Variants in XYLT1 observed in about 807,000 individuals in gnomAD.
XYLT1 encodes beta-D-xylosyltransferase 1.
XYLT1 carries 36 observed loss-of-function variants against 91.3 expected under a neutral mutation model. The ratio of observed to expected loss-of-function variants is 0.39; its 90% CI spans 0.30 to 0.52. The LOEUF is 0.52. Ranked by LOEUF, XYLT1 falls within the 20% of genes least tolerant of loss-of-function variation. The pLI, the probability that XYLT1 is intolerant of heterozygous loss-of-function variation, is 0.68. For synonymous variants in XYLT1, 588 were observed against 532.0 expected, an observed-to-expected ratio of 1.11 and a Z score of -1.45; for missense variants, 1,242 against 1,284.5, an observed-to-expected ratio of 0.97 and a Z score of 0.51.
At chr16:17,139,187 G>A (rs1344633434) in intron 7 of XYLT1, among the ~76,000 whole-genome samples, 1 of 152,226 alleles carries the variant, frequency 6.6e-6, no homozygotes, top group African/African-American at 2.4e-5. Flanking sequence ...GAGACTGCCA[G>A]AGAGTGAGAG....
At chr16:17,220,547 A>G (rs1394606764) in intron 3 of XYLT1, among the ~76,000 whole-genome samples, 2 of 152,158 alleles carry the variant, frequency 1.3e-5, no homozygotes, top group African/African-American at 4.8e-5. Context: ...ATCTCGGCTC[A>G]CTGCAACCCC....
At chr16:17,153,596 A>T (rs2031335159) in intron 6 of XYLT1, among the ~76,000 whole-genome samples, 1 of 152,214 alleles carries the variant, frequency 6.6e-6, no homozygotes, top group Non-Finnish European at 1.5e-5. Flanking sequence ...CTAACTTTAA[A>T]TAGCTTCAAC....
At chr16:17,164,954 G>C (rs777535334) in intron 5 of XYLT1, among the ~76,000 whole-genome samples, 2 of 152,118 alleles carry the variant, frequency 1.3e-5, no homozygotes, top group Middle Eastern at 3.2e-3. Flanking sequence ...GTGACCCCAG[G>C]CACATGGCTC....
At chr16:17,176,479 C>G (rs768144153) in intron 5 of XYLT1, among the ~76,000 whole-genome samples, 5 of 152,214 alleles carry the variant, frequency 3.3e-5, no homozygotes, top group African/African-American at 4.8e-5. Context: ...AACAGAACAG[C>G]TGGAAATTGA....
intron 2 of XYLT1, among the ~76,000 whole-genome samples, chr16:17,297,902 T>C (rs2034336323): frequency 6.6e-6 from 1 of 151,828 alleles, no homozygotes; most frequent in Admixed American, 6.6e-5. Flanking sequence ...GTGCCTGTAG[T>C]CCCAGCTACT....
At chr16:17,343,199 A>C (rs995501929) in intron 2 of XYLT1, among the ~76,000 whole-genome samples, 1 of 152,202 alleles carries the variant, frequency 6.6e-6, no homozygotes, top group Non-Finnish European at 1.5e-5. Flanking sequence ...CAGCCCCTGA[A>C]GCCACAGACT....
At chr16:17,246,704 G>A (rs2033440444) in intron 3 of XYLT1, among the ~76,000 whole-genome samples, 1 of 152,234 alleles carries the variant, frequency 6.6e-6, no homozygotes, top group Non-Finnish European at 1.5e-5. Context: ...CTGGCATTCA[G>A]GAAGTGCCTA....
intron 5 of XYLT1, among the ~76,000 whole-genome samples, chr16:17,166,776 G>C (rs1030130282): frequency 1.3e-5 from 2 of 151,568 alleles, no homozygotes; most frequent in Non-Finnish European, 2.9e-5. Flanking sequence ...AGCCTCCAAA[G>C]TGCTGGGACC....
intron 2 of XYLT1, among the ~76,000 whole-genome samples, chr16:17,323,021 G>C (rs1344602984): frequency 6.6e-6 from 1 of 152,214 alleles, no homozygotes; most frequent in Non-Finnish European, 1.5e-5. Flanking sequence ...CCCAGAGAGG[G>C]ACAGGGCCAT....
chr16:17,370,537 C>G (rs767923144), intron 1 of XYLT1, among the ~76,000 whole-genome samples: 1 of 152,176 alleles, frequency 6.6e-6, no homozygotes, highest in Admixed American at 6.5e-5. Context: ...TGGTCTCACA[C>G]TGAACACGTT....
chr16:17,187,393 CAAAAA>C (rs71137979), intron 5 of XYLT1, among the ~76,000 whole-genome samples: 1 of 55,306 alleles, frequency 1.8e-5, no homozygotes, highest in Non-Finnish European at 3.2e-5. Flanking sequence ...GACTCAGTTT[CAAAAA>C]AAAAAAAAAA....
chr16:17,316,750 C>G (rs1490467361), intron 2 of XYLT1, among the ~76,000 whole-genome samples: 2 of 151,544 alleles, frequency 1.3e-5, no homozygotes, highest in African/African-American at 4.9e-5. Flanking sequence ...GCTCAGACAG[C>G]AGGATTTGGT....
chr16:17,377,173 C>CCTCACACACA (rs1394864028), intron 1 of XYLT1, among the ~76,000 whole-genome samples: 1 of 104,726 alleles, frequency 9.5e-6, no homozygotes, highest in African/African-American at 6.7e-5. Context: ...TGAGACTCTG[C>CCTCACACACA]CTCACACACA....
At chr16:17,288,275 T>C (rs2141794672) in intron 2 of XYLT1, among the ~76,000 whole-genome samples, 1 of 150,964 alleles carries the variant, frequency 6.6e-6, no homozygotes, top group East Asian at 2.0e-4. Context: ...ACTCCTCCCT[T>C]CTCCAATATA....
chr16:17,310,927 C>T (rs922261626), intron 2 of XYLT1, among the ~76,000 whole-genome samples: 2 of 152,108 alleles, frequency 1.3e-5, no homozygotes, highest in South Asian at 4.1e-4. Flanking sequence ...TTTCAGGGGT[C>T]ATGTCCCACA....
chr16:17,205,561 A>G (rs968736831), intron 3 of XYLT1, among the ~76,000 whole-genome samples: 2 of 152,230 alleles, frequency 1.3e-5, no homozygotes, highest in African/African-American at 4.8e-5. Context: ...GAGAGAGCAC[A>G]GTGCCTGGCA....
chr16:17,321,342 CTTTTTTTTTTTT>C (rs10606202), intron 2 of XYLT1, among the ~76,000 whole-genome samples: 40 of 43,622 alleles, frequency 9.2e-4, no homozygotes, highest in African/African-American at 2.1e-3. Flanking sequence ...ACTAACTAGC[CTTTTTTTTTTTT>C]TTTTTTTTTT....
intron 2 of XYLT1, among the ~76,000 whole-genome samples, chr16:17,315,671 C>T (rs994133242): frequency 9.9e-5 from 15 of 152,218 alleles, no homozygotes; most frequent in South Asian, 4.2e-4. Flanking sequence ...TAAATTATGG[C>T]GAACAAATGG....
intron 3 of XYLT1, among the ~76,000 whole-genome samples, chr16:17,216,784 G>A (rs186886530): frequency 1.3e-5 from 2 of 152,314 alleles, no homozygotes; most frequent in East Asian, 1.9e-4. Context: ...GCTAGGATGT[G>A]AGTCCAAGCA....
Sources: gnomAD v4.1 joint callset for allele counts (sites outside exome capture counted in the v4.1 genomes callset) on GRCh38, gnomAD v4.1.1 for gene constraint, MANE v1.5 for transcripts, NCBI Gene and HGNC (gene_info 2026-07-23, HGNC 2026-07-21) for gene names.